The following NRG3 variants were observed in gnomAD, a reference collection of about 807,000 sequenced individuals.
The protein encoded by NRG3 is pro-neuregulin-3, membrane-bound isoform.
Under a neutral mutation model 66.9 loss-of-function variants are expected in NRG3, and 31 were observed. The observed-to-expected ratio is 0.46, with a 90% CI of 0.35 to 0.63. The LOEUF (loss-of-function observed/expected upper bound fraction) is 0.63, where lower values mean the gene tolerates loss of function less well. Among genes scored for constraint, NRG3 ranks in the 20% least tolerant of loss-of-function variants. The pLI, the probability that NRG3 is intolerant of heterozygous loss-of-function variation, is 0.00. For missense variants in NRG3, 910 were observed against 878.9 expected, an observed-to-expected ratio of 1.04 and a Z score of -0.45; for synonymous variants, 393 against 359.4, an observed-to-expected ratio of 1.09 and a Z score of -1.06.
At chr10:82,692,799 T>A (rs1029644945) in intron 2 of NRG3, among the ~76,000 whole-genome samples, 1 of 152,226 alleles carries the variant, frequency 6.6e-6, no homozygotes, top group Admixed American at 6.5e-5. Flanking sequence ...TTCTTCCGTA[T>A]CTGCGTAGGC....
intron 4 of NRG3, among the ~76,000 whole-genome samples, chr10:82,914,176 C>T (rs1222463789): frequency 1.3e-5 from 2 of 151,942 alleles, no homozygotes; most frequent in Non-Finnish European, 1.5e-5. Flanking sequence ...TCTCTGCCTA[C>T]ATTACCCATC....
At position 81,929,565 on chromosome 10, in the gene NRG3, G is replaced by T. The variant is rs141744530; in HGVS notation, c.823+53402G>T. Among the ~76,000 whole-genome samples, 468 of 152,262 alleles carry T rather than the reference G, an allele frequency of 3.1e-3. 3 individuals are homozygous for T. The highest frequency in any genetic ancestry group is 0.01 in the African/African-American group (436 of 41,548). ...ATTTTTTTCTTTTAGGTGATAACCA[G>T]CTCCTTCATCAGGCTTCTCTTTCCC... On this transcript the variant is annotated intron_variant, in intron 1 of 8. Transcript: ENST00000372141.
chr10:82,299,069 C>A (rs189761908), intron 1 of NRG3, among the ~76,000 whole-genome samples: 1 of 152,002 alleles, frequency 6.6e-6, no homozygotes, highest in African/African-American at 2.4e-5. Flanking sequence ...ATGCCGTGGG[C>A]CCAAAGGGGA....
chr10:82,151,780 A>G (rs1409027694), intron 1 of NRG3, among the ~76,000 whole-genome samples: 1 of 152,198 alleles, frequency 6.6e-6, no homozygotes, highest in Non-Finnish European at 1.5e-5. Context: ...TCACTGTCCC[A>G]TAAAAAAAGC....
intron 1 of NRG3, among the ~76,000 whole-genome samples, chr10:82,235,554 A>G (rs1418494973): frequency 6.6e-6 from 1 of 152,184 alleles, no homozygotes; most frequent in Non-Finnish European, 1.5e-5. Context: ...TTCCATCTCA[A>G]GTAATCTCCC....
At chr10:82,383,695 G>T (rs1026148064) in intron 2 of NRG3, among the ~76,000 whole-genome samples, 3 of 151,942 alleles carry the variant, frequency 2.0e-5, no homozygotes, top group African/African-American at 7.2e-5. Flanking sequence ...TTATCTCAAA[G>T]TTTATGTTAC....
At chr10:82,865,801 C>T (rs1458534398) in intron 4 of NRG3, among the ~76,000 whole-genome samples, 1 of 152,132 alleles carries the variant, frequency 6.6e-6, no homozygotes, top group African/African-American at 2.4e-5. Context: ...ACATGGCAAA[C>T]ACTCAATAAA....
chr10:82,669,550 C>T (rs928664173), intron 2 of NRG3, among the ~76,000 whole-genome samples: 1 of 152,126 alleles, frequency 6.6e-6, no homozygotes, highest in African/African-American at 2.4e-5. Flanking sequence ...CTGGAAGGCA[C>T]ATTCCAAAAC....
intron 3 of NRG3, among the ~76,000 whole-genome samples, chr10:82,752,659 T>A (rs1403111441): frequency 6.6e-6 from 1 of 152,188 alleles, no homozygotes; most frequent in Non-Finnish European, 1.5e-5. Context: ...TGAAACATAA[T>A]TACCAATGTG....
chr10:82,796,039 C>G (rs147188464), intron 3 of NRG3, among the ~76,000 whole-genome samples: 4 of 152,134 alleles, frequency 2.6e-5, no homozygotes, highest in Non-Finnish European at 4.4e-5. Context: ...TGTATGTTCT[C>G]AAAGGCAAGT....
chr10:81,992,695 C>G (rs1364156549), intron 1 of NRG3, among the ~76,000 whole-genome samples: 2 of 152,164 alleles, frequency 1.3e-5, no homozygotes, highest in Non-Finnish European at 2.9e-5. Context: ...GTCACCTCCT[C>G]TTTTTCTGTC....
chr10:82,456,162 G>A (rs1325364927), intron 2 of NRG3, among the ~76,000 whole-genome samples: 3 of 114,568 alleles, frequency 2.6e-5, no homozygotes, highest in Admixed American at 1.1e-4. Context: ...TTTTTTGGTA[G>A]AGAGAGGGCT....
chr10:81,900,034 G>A (rs73319124), intron 1 of NRG3, among the ~76,000 whole-genome samples: 2,856 of 149,266 alleles, frequency 0.019, 80 homozygotes, highest in African/African-American at 0.065. Context: ...TAGAATCTCC[G>A]CCTCCCGTGT....
At position 82,889,271 on chromosome 10, in the gene NRG3, G is replaced by A. The variant is rs1842959774; in HGVS notation, c.1054+23834G>A. Among the ~76,000 whole-genome samples, 4 of 152,154 alleles carry A rather than the reference G, an allele frequency of 2.6e-5. No individual in the cohort carries two copies. In the South Asian group the frequency reaches 8.3e-4, roughly 31 times the overall value. ...ATCGGATTCTGAATCTATACTGAGAGAGAGTCTGCTGGATTTGTTGAAAGA... is the reference window on the plus strand; with the variant it reads ...ATCGGATTCTGAATCTATACTGAGAAAGAGTCTGCTGGATTTGTTGAAAGA... On this transcript the variant is annotated intron_variant, in intron 4 of 8. Transcript: ENST00000372141.
chr10:82,684,372 A>G (rs187390491), intron 2 of NRG3, among the ~76,000 whole-genome samples: 159 of 152,312 alleles, frequency 1.0e-3, no homozygotes, highest in Non-Finnish European at 1.2e-4. Context: ...TAGTTTTTGA[A>G]AAATATTTTA....
At chr10:82,143,471 G>A (rs2069979321) in intron 1 of NRG3, among the ~76,000 whole-genome samples, 1 of 152,156 alleles carries the variant, frequency 6.6e-6, no homozygotes, top group Non-Finnish European at 1.5e-5. Flanking sequence ...AAGCAAGGGG[G>A]TGCCTGTATT....
rs761744788 is a variant in NRG3, at chr10:82,985,211, A to G, written c.1697A>G (p.Tyr566Cys). The change falls in exon 9 of 9, where the codon TAT becomes TGT. Residue 566 changes from tyrosine (Y) to cysteine (C), a missense_variant. Coordinates refer to ENST00000372141, the MANE Select transcript of NRG3 (RefSeq NM_001010848.4). ...TTGGAGCAAAAGGACCTGGTGGGCT[A>G]TTCATCCACAAGGGCCAGTTCTGTG... is the stretch of plus-strand genomic sequence containing the variant. ...NSLEQKDLVG[Y>C]SSTRASSVPI... 2 of 1,614,146 alleles carry G rather than the reference A, an allele frequency of 1.2e-6. No individual in the cohort carries two copies. The highest frequency in any genetic ancestry group is 2.2e-5 in the East Asian group (1 of 44,878).
At chr10:82,006,538 G>A (rs575492767) in intron 1 of NRG3, among the ~76,000 whole-genome samples, 29 of 151,822 alleles carry the variant, frequency 1.9e-4, no homozygotes, top group East Asian at 5.8e-4. Flanking sequence ...TAGTCTCTAC[G>A]TAATAATTTG....
intron 7 of NRG3, among the ~76,000 whole-genome samples, chr10:82,976,552 T>G (rs1279747660): frequency 6.6e-6 from 1 of 152,154 alleles, no homozygotes; most frequent in Non-Finnish European, 1.5e-5. Flanking sequence ...CCACATCCCA[T>G]AGTGAACCTA....
Sources: allele counts gnomAD v4.1 joint callset (sites outside exome capture counted in the v4.1 genomes callset), GRCh38; gene constraint gnomAD v4.1.1; transcripts MANE v1.5; gene names NCBI Gene and HGNC (gene_info 2026-07-23, HGNC 2026-07-21).